SRP54: variants seen among roughly 807,000 people sequenced by gnomAD.
SRP54 encodes signal recognition particle 54, also known as signal recognition particle subunit SRP54.
SRP54 carries 10 observed loss-of-function variants against 64.8 expected under a neutral mutation model. The observed-to-expected ratio is 0.15, with a 90% confidence interval of 0.10 to 0.26. The LOEUF (loss-of-function observed/expected upper bound fraction) is 0.26, where lower values mean the gene tolerates loss of function less well. SRP54 is among the 10% of genes least tolerant of loss of function. SRP54 has a pLI of 1.00. For synonymous variants in SRP54, 193 were observed against 185.6 expected (o/e 1.04, Z -0.32); for missense variants, 325 against 613.7 (o/e 0.53, Z 4.97).
intron 1 of SRP54, among the ~76,000 whole-genome samples, chr14:34,991,777 T>C (rs1408747466): frequency 6.6e-6 from 1 of 151,874 alleles, no homozygotes; most frequent in Non-Finnish European, 1.5e-5. Context: ...GGACTTTACA[T>C]CTGTGTGCAA....
intron 1 of SRP54, among the ~76,000 whole-genome samples, chr14:34,991,649 A>G (rs1029366481): frequency 6.7e-6 from 1 of 150,178 alleles, no homozygotes; most frequent in African/African-American, 2.5e-5. Context: ...GCTGGCTAGT[A>G]CCGAGACACT....
At chr14:34,998,138 G>T (rs145685623) in intron 2 of SRP54, among the ~76,000 whole-genome samples, 1 of 152,272 alleles carries the variant, frequency 6.6e-6, no homozygotes, top group East Asian at 1.9e-4. Context: ...GCCTCTCTCT[G>T]TAGGGCATAT....
intron 1 of SRP54, among the ~76,000 whole-genome samples, chr14:34,991,868 A>G (rs1018878545): frequency 6.6e-6 from 1 of 152,160 alleles, no homozygotes. Flanking sequence ...TAGAGGAAAC[A>G]CTGTAAGTTA....
intron 9 of SRP54, 52 bp from the exon 10 acceptor site, chr14:35,013,750 G>C: frequency 1.3e-6 from 2 of 1,490,676 alleles, no homozygotes; most frequent in Non-Finnish European, 1.8e-6. Flanking sequence ...AGATCTGCTG[G>C]AAATTTGTGG....
At chr14:35,010,198 C>T (rs986383350) in intron 7 of SRP54, among the ~76,000 whole-genome samples, 4 of 151,198 alleles carry the variant, frequency 2.6e-5, no homozygotes, top group Non-Finnish European at 4.4e-5. Flanking sequence ...CTGTAATCCC[C>T]GTACTTTGGG....
In SRP54 at chr14:35,013,441, A is replaced by G. The variant is rs1379707763; in HGVS notation, c.732A>G (p.Ser244=). 1.9e-6 allele frequency: 3 copies of G among 1,614,064 alleles called. No homozygotes were observed. Among genetic ancestry groups the G allele is most frequent in the Non-Finnish European group, 2.5e-6 (3 of 1,180,012 alleles). Residue 244 remains serine (S), a synonymous_variant, in exon 9 of 16, where the codon TCA becomes TCG. Transcript: ENST00000216774. ...KAFKDKVDVA[S]VIVTKLDGHA... ...TTAAAGATAAAGTAGATGTAGCCTC[A>G]GTAATAGTGACAAAACTTGATGGCC... is the stretch of plus-strand genomic sequence containing the variant.
chr14:35,007,634 T>TTACATAAAA (rs2044282619), intron 5 of SRP54, among the ~76,000 whole-genome samples: 1 of 100,288 alleles, frequency 1.0e-5, no homozygotes, highest in South Asian at 3.5e-4. Context: ...TAAAATATAT[T>TTACATAAAA]TATATTATAA....
chr14:35,006,022 G>A (rs950243051), intron 4 of SRP54, among the ~76,000 whole-genome samples: 1 of 151,880 alleles, frequency 6.6e-6, no homozygotes, highest in Non-Finnish European at 1.5e-5. Flanking sequence ...TGTATTTTTA[G>A]CAGAGATGGG....
At chr14:34,987,494 CTGTAGATTTATGTATTCTGA>C (rs1233822215) in intron 1 of SRP54, among the ~76,000 whole-genome samples, 1 of 151,978 alleles carries the variant, frequency 6.6e-6, no homozygotes, top group African/African-American at 2.4e-5. Flanking sequence ...CTTTCTGTCT[CTGTAGATTTATGTATTCTGA>C]ACAATTCATG....
At chr14:35,025,932 T>G (rs1271638804) in intron 14 of SRP54, among the ~76,000 whole-genome samples, 1 of 152,036 alleles carries the variant, frequency 6.6e-6, no homozygotes, top group East Asian at 1.9e-4. Flanking sequence ...GGCTCATACT[T>G]GTAATCCCAG....
intron 14 of SRP54, among the ~76,000 whole-genome samples, chr14:35,025,276 C>T (rs189600250): frequency 1.4e-3 from 213 of 152,180 alleles, no homozygotes; most frequent in Non-Finnish European, 2.1e-3. Context: ...TGAATATGAA[C>T]AATACCATTG....
intron 11 of SRP54, among the ~76,000 whole-genome samples, chr14:35,016,212 C>A (rs1377793046): frequency 6.6e-6 from 1 of 152,148 alleles, no homozygotes; most frequent in Non-Finnish European, 1.5e-5. Context: ...GTACTCTTCC[C>A]CTTTGATGTA....
intron 3 of SRP54, among the ~76,000 whole-genome samples, chr14:35,000,563 A>T: frequency 1.7e-5 from 1 of 58,756 alleles, no homozygotes; most frequent in Admixed American, 1.7e-4. Flanking sequence ...AGACTGTCTC[A>T]AAAAAAAAAA....
intron 14 of SRP54, among the ~76,000 whole-genome samples, chr14:35,023,451 T>C (rs1011869132): frequency 2.0e-5 from 3 of 152,084 alleles, no homozygotes; most frequent in Non-Finnish European, 2.9e-5. Context: ...TCTTCTGATA[T>C]ATCATAACTG....
chr14:34,988,412 AT>A (rs916514310), intron 1 of SRP54, among the ~76,000 whole-genome samples: 1 of 150,452 alleles, frequency 6.6e-6, no homozygotes, highest in Non-Finnish European at 1.5e-5. Flanking sequence ...AAATACAAAA[AT>A]TAGGTGGGTG....
chr14:35,028,878 T>C (rs1276208734), intron 15 of SRP54, among the ~76,000 whole-genome samples, 183 bp from the exon 16 acceptor site: 1 of 152,238 alleles, frequency 6.6e-6, no homozygotes, highest in East Asian at 1.9e-4. Flanking sequence ...TCATTCTCTT[T>C]TATTGATGAA....
chr14:34,990,190 T>C (rs1431262510), intron 1 of SRP54, among the ~76,000 whole-genome samples: 1 of 152,204 alleles, frequency 6.6e-6, no homozygotes, highest in Non-Finnish European at 1.5e-5. Flanking sequence ...AGTCCTTGTA[T>C]GTACTGGTCT....
At chr14:35,003,454 G>A (rs1269124371) in intron 4 of SRP54, among the ~76,000 whole-genome samples, 3 of 151,982 alleles carry the variant, frequency 2.0e-5, no homozygotes, top group Admixed American at 6.6e-5. Context: ...AGCTCACTGC[G>A]GCCTCAAATT....
chr14:35,018,765 GGTTA>G lies in SRP54; in HGVS notation c.1047+5_1047+8del. On this transcript the variant is annotated splice_donor_variant and splice_donor_region_variant and intron_variant, in intron 12 of 15. Transcript: ENST00000216774. LOFTEE classifies it high-confidence loss of function. The stretch of plus-strand genomic sequence containing the variant: ...AAATGGGCCCCTTCAGTCAGATCTT[GGTTA>G]GTTATCCTTAAAACTTTATACCTTC... 1 of 1,611,966 alleles carries G rather than the reference GGTTA, an allele frequency of 6.2e-7. No homozygotes were observed.
Sources: allele counts gnomAD v4.1 joint callset (sites outside exome capture counted in the v4.1 genomes callset), GRCh38; gene constraint gnomAD v4.1.1; transcripts MANE v1.5; gene names NCBI Gene and HGNC (gene_info 2026-07-23, HGNC 2026-07-21).